Variants in PIR observed in about 807,000 individuals in gnomAD.
The protein encoded by PIR is pirin (iron-binding nuclear protein).
In PIR, 22 loss-of-function variants were observed where a neutral mutation model predicts 24.2. The ratio of observed to expected loss-of-function variants is 0.91; its 90% CI spans 0.65 to 1.30. The LOEUF (loss-of-function observed/expected upper bound fraction) is 1.30, where lower values mean the gene tolerates loss of function less well. Ranked by LOEUF, PIR falls within the 50% of genes most tolerant of loss-of-function variation. The probability of loss-of-function intolerance (pLI) is 0.00; values close to 1 mark genes in which losing one functional copy is unlikely to be tolerated. For synonymous variants in PIR, 80 were observed against 79.6 expected (o/e 1.00, Z -0.03); for missense variants, 220 against 220.3 (o/e 1.00, Z 0.01).
At chrX:15,399,223 T>C (rs930211781) in intron 7 of PIR, among the ~76,000 whole-genome samples, 1 of 112,430 alleles carries the variant, frequency 8.9e-6, no homozygotes, top group African/African-American at 3.2e-5. Flanking sequence ...ATGTGACAAG[T>C]TGGAGCTGAA....
chrX:15,443,051 T>C (rs1245389543), intron 5 of PIR, among the ~76,000 whole-genome samples: 1 of 112,037 alleles, frequency 8.9e-6, no homozygotes, highest in Non-Finnish European at 1.9e-5. Flanking sequence ...GAGAAGTCGA[T>C]GCTTGTCTTC....
chrX:15,459,370 T>C (rs1351283028), intron 4 of PIR, among the ~76,000 whole-genome samples: 1 of 108,477 alleles, frequency 9.2e-6, no homozygotes, highest in East Asian at 2.8e-4. Context: ...ACAAAACGAA[T>C]GAAAGATAAG....
intron 2 of PIR, among the ~76,000 whole-genome samples, chrX:15,488,002 G>A (rs1000194918): frequency 9.0e-6 from 1 of 111,436 alleles, no homozygotes; most frequent in Non-Finnish European, 1.9e-5. Flanking sequence ...CCTCTTGGTC[G>A]GGTGCAGTGG....
intron 4 of PIR, among the ~76,000 whole-genome samples, chrX:15,458,777 C>T (rs1337325163): frequency 8.9e-6 from 1 of 112,880 alleles, no homozygotes; most frequent in Non-Finnish European, 1.9e-5. Context: ...CACTGTCTCA[C>T]ACATATGGCT....
At chrX:15,402,981 T>C (rs186548882) in intron 7 of PIR, among the ~76,000 whole-genome samples, 1 of 112,122 alleles carries the variant, frequency 8.9e-6, no homozygotes, top group East Asian at 2.8e-4. Flanking sequence ...TGCCTTTAAG[T>C]CCACTACAAC....
At chrX:15,432,797 G>A (rs950791248) in intron 5 of PIR, among the ~76,000 whole-genome samples, 1 of 112,204 alleles carries the variant, frequency 8.9e-6, no homozygotes, top group Non-Finnish European at 1.9e-5. Flanking sequence ...GGAGACTCCT[G>A]AAGAGGATGC....
At chrX:15,413,651 T>C (rs1924820585) in intron 6 of PIR, among the ~76,000 whole-genome samples, 1 of 112,316 alleles carries the variant, frequency 8.9e-6, no homozygotes, top group South Asian at 3.7e-4. Flanking sequence ...TTACCTGAAC[T>C]TGTGAGAATT....
intron 7 of PIR, among the ~76,000 whole-genome samples, chrX:15,402,798 G>A (rs945500921): frequency 9.9e-5 from 11 of 111,329 alleles, no homozygotes; most frequent in African/African-American, 2.6e-4. Context: ...TTGTCTTTCC[G>A]TGTCAAAGGC....
intron 3 of PIR, among the ~76,000 whole-genome samples, chrX:15,478,998 G>A (rs1342832338): frequency 8.9e-6 from 1 of 112,256 alleles, no homozygotes; most frequent in Admixed American, 9.4e-5. Context: ...AGGAAGTAAC[G>A]ATCCCTGAGC....
intron 5 of PIR, among the ~76,000 whole-genome samples, chrX:15,450,872 G>C (rs1926257806): frequency 8.9e-6 from 1 of 111,757 alleles, no homozygotes; most frequent in Non-Finnish European, 1.9e-5. Flanking sequence ...GCCCCTAAAA[G>C]TCTCTTGGAT....
intron 3 of PIR, among the ~76,000 whole-genome samples, chrX:15,473,393 A>G (rs192692914): frequency 2.1e-3 from 233 of 111,869 alleles, no homozygotes; most frequent in Non-Finnish European, 1.5e-3. Context: ...AAAACAATCT[A>G]AACAGTTTAT....
At position 15,488,826 on chromosome X, in the gene PIR, C is replaced by T. The variant is rs778721427; in HGVS notation, c.96+2336G>A. On this transcript the variant is annotated intron_variant, in intron 2 of 9. Coordinates refer to ENST00000380420, the MANE Select transcript of PIR (RefSeq NM_001018109.3). ...TCAGCCATGGACTTTTACCTGGCAC[C>T]ACTGATAGAACTCAGAGGGGTTGTA... is the stretch of plus-strand genomic sequence containing the variant. Among the ~76,000 whole-genome samples, 3 of 111,350 alleles carry T rather than the reference C, an allele frequency of 2.7e-5. No individual in the cohort carries two copies. In the East Asian group the frequency reaches 8.4e-4, roughly 31 times the overall value.
chrX:15,402,114 G>A (rs900643522), intron 7 of PIR, among the ~76,000 whole-genome samples: 1 of 111,721 alleles, frequency 9.0e-6, no homozygotes, highest in Non-Finnish European at 1.9e-5. Context: ...AGGAGTTCAA[G>A]ACCAGCCTAG....
chrX:15,480,925 A>C (rs1011242984), intron 2 of PIR, among the ~76,000 whole-genome samples: 1 of 112,372 alleles, frequency 8.9e-6, no homozygotes, highest in Non-Finnish European at 1.9e-5. Context: ...CAGGAAACAA[A>C]GAATATCTAG....
intron 5 of PIR, among the ~76,000 whole-genome samples, chrX:15,445,820 C>CTTTTTT (rs1192838504): frequency 6.2e-5 from 4 of 64,920 alleles, no homozygotes; most frequent in Non-Finnish European, 1.2e-4. Context: ...CAAGATATTT[C>CTTTTTT]TTTTTTTTTT....
intron 5 of PIR, among the ~76,000 whole-genome samples, chrX:15,454,592 T>C (rs915911394): frequency 9.0e-6 from 1 of 111,647 alleles, no homozygotes; most frequent in Non-Finnish European, 1.9e-5. Context: ...AACCATCCCA[T>C]GCATCCCATT....
chrX:15,488,278 CAAAAAAAA>C (rs1184870069), intron 2 of PIR, among the ~76,000 whole-genome samples: 1 of 31,934 alleles, frequency 3.1e-5, no homozygotes, highest in Non-Finnish European at 6.4e-5. Flanking sequence ...AACTCCGTCT[CAAAAAAAA>C]AAAAAAAAAA....
chrX:15,396,790 G>C (rs999223846), intron 8 of PIR, among the ~76,000 whole-genome samples: 1 of 109,051 alleles, frequency 9.2e-6, no homozygotes, highest in African/African-American at 3.4e-5. Context: ...TGCCCAGCTG[G>C]AGTGCAGTGG....
At chrX:15,477,865 C>T (rs1287912109) in intron 3 of PIR, among the ~76,000 whole-genome samples, 1 of 111,620 alleles carries the variant, frequency 9.0e-6, no homozygotes, top group Non-Finnish European at 1.9e-5. Context: ...TTGGGGGTTA[C>T]AAATGAATTT....
Sources: gnomAD v4.1 joint callset for allele counts (sites outside exome capture counted in the v4.1 genomes callset) on GRCh38, gnomAD v4.1.1 for gene constraint, MANE v1.5 for transcripts, NCBI Gene and HGNC (gene_info 2026-07-23, HGNC 2026-07-21) for gene names.